Variants in SLC35F3 observed in about 807,000 individuals in gnomAD.
SLC35F3 encodes the protein solute carrier family 35 member F3.
In SLC35F3, 25 loss-of-function variants were observed where a neutral mutation model predicts 49.9. The ratio of observed to expected loss-of-function variants is 0.50; its 90% confidence interval spans 0.37 to 0.70. The LOEUF (loss-of-function observed/expected upper bound fraction) is 0.70, where lower values mean the gene tolerates loss of function less well. Among genes scored for constraint, SLC35F3 ranks in the 30% least tolerant of loss-of-function variants. SLC35F3 has a pLI of 0.00. For synonymous variants in SLC35F3, 275 were observed against 265.4 expected (o/e 1.04, Z -0.35); for missense variants, 525 against 639.8 (o/e 0.82, Z 1.94).
chr1:234,146,286 C>G (rs1665993692), intron 2 of SLC35F3, among the ~76,000 whole-genome samples: 1 of 151,968 alleles, frequency 6.6e-6, no homozygotes, highest in Non-Finnish European at 1.5e-5. Context: ...TTAAACTTAT[C>G]AATATCTGTC....
chr1:234,303,929 A>AT (rs1379658390), intron 3 of SLC35F3, among the ~76,000 whole-genome samples: 2 of 150,338 alleles, frequency 1.3e-5, no homozygotes, highest in East Asian at 3.9e-4. Flanking sequence ...CCTCCACTTC[A>AT]TTTTTTCTGT....
chr1:233,995,182 A>G (rs574870773), intron 2 of SLC35F3, among the ~76,000 whole-genome samples: 5 of 152,316 alleles, frequency 3.3e-5, no homozygotes, highest in Admixed American at 3.3e-4. Flanking sequence ...CTAGTCTAGA[A>G]CTCAATACTA....
At chr1:233,963,004 A>G (rs1662829964) in intron 2 of SLC35F3, among the ~76,000 whole-genome samples, 3 of 152,340 alleles carry the variant, frequency 2.0e-5, no homozygotes, top group East Asian at 1.9e-4. Flanking sequence ...ATCTCTTTCA[A>G]CCATGATGGG....
rs796933380 is a variant in SLC35F3, at chr1:234,143,271, C to CTCTTT, written c.284-88129_284-88125dup. ...GTTCTCTCTGCTTCTATGAGTTTGA[C>CTCTTT]TCTTTTCTTTTCTTTTCTTTTTTTT... On this transcript the variant is annotated intron_variant, in intron 2 of 7. Transcript: ENST00000366618. 6.2e-3 allele frequency among the ~76,000 whole-genome samples: 837 copies of CTCTTT among 135,000 alleles called. 24 individuals carry two copies. Among genetic ancestry groups the CTCTTT allele is most frequent in the African/African-American group, 0.015 (502 of 32,488 alleles). 88.6% of individuals were successfully genotyped at this position (135,000 alleles called of 152,430 possible).
At chr1:234,158,470 C>T (rs1476086052) in intron 2 of SLC35F3, among the ~76,000 whole-genome samples, 3 of 152,144 alleles carry the variant, frequency 2.0e-5, no homozygotes, top group African/African-American at 7.2e-5. Context: ...AAAATAAATA[C>T]ATATTGAATA....
At chr1:234,290,903 CCT>C (rs1668496667) in intron 3 of SLC35F3, among the ~76,000 whole-genome samples, 1 of 151,990 alleles carries the variant, frequency 6.6e-6, no homozygotes, top group South Asian at 2.1e-4. Context: ...TTCTTTGGTC[CCT>C]CTCAATTCTG....
intron 2 of SLC35F3, among the ~76,000 whole-genome samples, chr1:234,223,512 G>T (rs939540827): frequency 6.6e-6 from 1 of 152,128 alleles, no homozygotes; most frequent in Admixed American, 6.5e-5. Flanking sequence ...TTTTCTCCTA[G>T]CTCTACACAC....
At chr1:233,954,768 G>C (rs1368822085) in intron 2 of SLC35F3, among the ~76,000 whole-genome samples, 2 of 152,132 alleles carry the variant, frequency 1.3e-5, no homozygotes, top group Non-Finnish European at 2.9e-5. Flanking sequence ...GATAAGCATA[G>C]CAAACCAGGA....
intron 2 of SLC35F3, among the ~76,000 whole-genome samples, chr1:234,184,249 C>CT (rs5781779): frequency 0.079 from 12,013 of 152,060 alleles, 1,303 homozygotes; most frequent in African/African-American, 0.25. Flanking sequence ...GCTTACATTG[C>CT]GACTTTTCTT....
intron 2 of SLC35F3, among the ~76,000 whole-genome samples, chr1:234,016,896 G>C (rs950244943): frequency 2.6e-5 from 4 of 152,166 alleles, no homozygotes; most frequent in Admixed American, 6.5e-5. Context: ...GAGGCAGATG[G>C]CAGGCAGTAT....
At chr1:234,164,276 C>T (rs1488722013) in intron 2 of SLC35F3, among the ~76,000 whole-genome samples, 1 of 151,096 alleles carries the variant, frequency 6.6e-6, no homozygotes. Context: ...CCCTTACTCC[C>T]TCCCATTCTC....
At chr1:234,171,587 C>T (rs1301274711) in intron 2 of SLC35F3, among the ~76,000 whole-genome samples, 5 of 152,182 alleles carry the variant, frequency 3.3e-5, no homozygotes, top group Non-Finnish European at 7.3e-5. Flanking sequence ...TTAAATTAAA[C>T]TAGTGCCCCA....
At chr1:234,177,572 A>C (rs1666495538) in intron 2 of SLC35F3, among the ~76,000 whole-genome samples, 1 of 152,224 alleles carries the variant, frequency 6.6e-6, no homozygotes, top group Non-Finnish European at 1.5e-5. Flanking sequence ...AGACGGCTTT[A>C]CTACACTTAC....
At chr1:233,958,369 T>C (rs1382419342) in intron 2 of SLC35F3, among the ~76,000 whole-genome samples, 1 of 152,208 alleles carries the variant, frequency 6.6e-6, no homozygotes, top group Admixed American at 6.5e-5. Flanking sequence ...TCACTCTTTT[T>C]CCTTAGGGCT....
At chr1:234,190,825 A>G (rs4615874) in intron 2 of SLC35F3, among the ~76,000 whole-genome samples, 12,190 of 152,252 alleles carry the variant, frequency 0.08, 1,348 homozygotes, top group African/African-American at 0.25. Flanking sequence ...CATTGCAGCA[A>G]TTATTACTGT....
At chr1:234,092,142 A>T (rs936038027) in intron 2 of SLC35F3, among the ~76,000 whole-genome samples, 2 of 152,222 alleles carry the variant, frequency 1.3e-5, no homozygotes, top group African/African-American at 4.8e-5. Flanking sequence ...ACACACCCAG[A>T]GGGAAGTTTC....
At chr1:234,068,673 A>ATG in intron 2 of SLC35F3, among the ~76,000 whole-genome samples, 1 of 151,358 alleles carries the variant, frequency 6.6e-6, no homozygotes. Context: ...GTGAGCAAGC[A>ATG]TGTGTGTGTG....
chr1:234,203,207 T>C (rs1183848201), intron 2 of SLC35F3, among the ~76,000 whole-genome samples: 5 of 152,166 alleles, frequency 3.3e-5, no homozygotes, highest in Non-Finnish European at 5.9e-5. Flanking sequence ...AATATACTTA[T>C]AAAAAGACAA....
At chr1:233,963,278 G>A (rs1662835124) in intron 2 of SLC35F3, among the ~76,000 whole-genome samples, 1 of 151,702 alleles carries the variant, frequency 6.6e-6, no homozygotes, top group Non-Finnish European at 1.5e-5. Flanking sequence ...GCAGGTCATA[G>A]CTTTCTTTTT....
Sources: allele counts gnomAD v4.1 joint callset (sites outside exome capture counted in the v4.1 genomes callset), GRCh38; gene constraint gnomAD v4.1.1; transcripts MANE v1.5; gene names NCBI Gene and HGNC (gene_info 2026-07-23, HGNC 2026-07-21).